Variants in MYH9 observed in about 807,000 individuals in gnomAD.
MYH9 encodes the protein myosin heavy chain 9, also known as myosin-9.
A neutral mutation model predicts 241.9 loss-of-function variants in MYH9; 29 were observed. The observed-to-expected ratio is 0.12, with a 90% CI of 0.09 to 0.16. The LOEUF (loss-of-function observed/expected upper bound fraction) is 0.16, where lower values mean the gene tolerates loss of function less well. MYH9 is among the 10% of genes least tolerant of loss of function. The pLI, the probability that MYH9 is intolerant of heterozygous loss-of-function variation, is 1.00. For missense variants in MYH9, 1,803 were observed against 2,595.5 expected (o/e 0.69, Z 6.63); for synonymous variants, 1,047 against 1,062.6 (o/e 0.99, Z 0.29).
chr22:36,285,422 C>G lies in MYH9; in HGVS notation c.5275-93G>C. 7.0e-7 allele frequency: 1 copy of G among 1,436,504 alleles called. No individual in the cohort carries two copies. Among genetic ancestry groups the G allele is most frequent in the Admixed American group, 1.7e-5 (1 of 59,276 alleles). 89.0% of individuals were successfully genotyped at this position (1,436,504 alleles called of 1,614,324 possible). The stretch of plus-strand genomic sequence containing the variant: ...GAGGAAGGTGGCAGCAGGATCCCAC[C>G]AAACCCTTGGGGTCCAGAGTCTTGG... On this transcript the variant is annotated intron_variant, in intron 37 of 40. Coordinates refer to ENST00000216181, the MANE Select transcript of MYH9 (RefSeq NM_002473.6). The surrounding 1 kb of genome is among the most constrained non-coding windows in gnomAD (Gnocchi z 7.0).
chr22:36,365,540 C>T (rs887035435), intron 1 of MYH9, among the ~76,000 whole-genome samples: 62 of 152,136 alleles, frequency 4.1e-4, no homozygotes, highest in African/African-American at 1.4e-3. Flanking sequence ...AATCTTGGCT[C>T]GCTGCAACCT....
intron 1 of MYH9, among the ~76,000 whole-genome samples, chr22:36,373,888 T>TA (rs2018125055): frequency 6.6e-6 from 1 of 151,958 alleles, no homozygotes; most frequent in African/African-American, 2.4e-5. Context: ...TGCATTATAG[T>TA]AGTAACTCAG....
At position 36,379,274 on chromosome 22, in the gene MYH9, G is replaced by A. The variant is rs563850496; in HGVS notation, c.-20+8533C>T. Among the ~76,000 whole-genome samples, 7 of 152,344 alleles carry A rather than the reference G, an allele frequency of 4.6e-5. No individual in the cohort carries two copies. The South Asian group carries it at 6.2e-4, about 14-fold the overall frequency. Reference sequence around the variant, plus strand: ...TGTAATCCCAGCACTTCGGGAGGCCGAGGCGGGTGGATCATGAGGTCAGGA... The same window carrying A: ...TGTAATCCCAGCACTTCGGGAGGCCAAGGCGGGTGGATCATGAGGTCAGGA... On this transcript the variant is annotated intron_variant, in intron 1 of 40. Coordinates refer to ENST00000216181, the MANE Select transcript of MYH9 (RefSeq NM_002473.6).
Position 36,285,156 on chromosome 22 carries a change from A to C in MYH9, c.5448T>G (p.Ile1816Met), listed in dbSNP as rs1045546652. 1 of 1,613,978 alleles carries C rather than the reference A, an allele frequency of 6.2e-7. No homozygotes were observed. The highest frequency in any genetic ancestry group is 1.7e-5 in the Admixed American group (1 of 60,020). Residue 1816 changes from isoleucine to methionine, a missense_variant, in exon 38 of 41, where the codon ATT (isoleucine) becomes ATG (methionine). Physicochemically the swap from Ile to Met is conservative, Grantham distance 10 (BLOSUM62 1). Coordinates refer to ENST00000216181, the MANE Select transcript of MYH9 (RefSeq NM_002473.6). The surrounding 1 kb of genome is among the most constrained non-coding windows in gnomAD (Gnocchi z 7.0). ...TGTCCAGCTGCTCCTCCAGCTGTGC[A>C]ATCTTGGCCTCGAGGGCGGTGATGG... ...KASITALEAK[I>M]AQLEEQLDNE...
In MYH9 at chr22:36,288,900, G is replaced by T. The variant is rs779694122; in HGVS notation, c.4597C>A (p.Gln1533Lys). ...AGCTGCGTCTTCATCTCCTCCACCTGCTGCTCTAGGGCCCGCTTGGACTTC... is the reference window on the plus strand; with the variant it reads ...AGCTGCGTCTTCATCTCCTCCACCTTCTGCTCTAGGGCCCGCTTGGACTTC... ...LEKSKRALEQ[Q>K]VEEMKTQLEE... Residue 1533 changes from glutamine (Q) to lysine (K), a missense_variant, in exon 33 of 41, where the codon CAG becomes AAG. Gln to Lys is a moderately conservative substitution (Grantham distance 53). Around this residue, in one of 11 missense-constraint regions of MYH9, gnomAD observed 876 missense variants for 1,077.8 expected, o/e 0.81. Transcript: ENST00000216181. The surrounding 1 kb of genome is among the most constrained non-coding windows in gnomAD (Gnocchi z 4.8). 5.0e-6 allele frequency: 8 copies of T among 1,613,882 alleles called. No individual in the cohort carries two copies. In the African/African-American group the frequency reaches 9.3e-5, roughly 19 times the overall value.
chr22:36,362,537 G>A, intron 1 of MYH9, among the ~76,000 whole-genome samples: 1 of 152,096 alleles, frequency 6.6e-6, no homozygotes, highest in East Asian at 1.9e-4. Flanking sequence ...TGCCCGGGCT[G>A]GAGTGCAGTG....
At chr22:36,304,549 C>A (rs1422617014) in intron 18 of MYH9, among the ~76,000 whole-genome samples, 1 of 152,228 alleles carries the variant, frequency 6.6e-6, no homozygotes, top group Admixed American at 6.5e-5. Context: ...CCTGGCTTGG[C>A]ACTGAGTCAC....
At chr22:36,373,888 T>TAGTA (rs140429269) in intron 1 of MYH9, among the ~76,000 whole-genome samples, 27,545 of 152,020 alleles carry the variant, frequency 0.18, 2,915 homozygotes, top group African/African-American at 0.3. Context: ...TGCATTATAG[T>TAGTA]AGTAACTCAG....
intron 20 of MYH9, 196 bp from the exon 21 acceptor site, chr22:36,301,861 G>C: frequency 4.5e-6 from 3 of 667,712 alleles, no homozygotes; most frequent in Non-Finnish European, 7.8e-6. Flanking sequence ...CTACATTCCA[G>C]GGAAACTATC....
intron 4 of MYH9, 62 bp downstream of exon 4, chr22:36,327,399 A>G: frequency 6.3e-7 from 1 of 1,599,054 alleles, no homozygotes; most frequent in Non-Finnish European, 8.6e-7. Flanking sequence ...TCAGTAGGAG[A>G]CCTCAAGAAT....
intron 15 of MYH9, chr22:36,308,724 G>A (rs1030362031): frequency 5.8e-5 from 43 of 738,230 alleles, no homozygotes; most frequent in East Asian, 4.1e-4. Flanking sequence ...AAGGGGGGGC[G>A]CGAGAAAACC....
intron 4 of MYH9, 67 bp from the exon 5 acceptor site, chr22:36,326,728 A>C: frequency 7.5e-7 from 1 of 1,325,296 alleles, no homozygotes; most frequent in Non-Finnish European, 1.1e-6. Context: ...GTCCCTTCCC[A>C]CTGCACGCTC....
Position 36,281,997 on chromosome 22 carries a change from T to C in MYH9, c.*671A>G, listed in dbSNP as rs1481028050. ...TAAAGGAGGGGAGGGGGCATTGCACTTGAGACATTTTAGAATCAGGAGGGA... is the reference window on the plus strand; with the variant it reads ...TAAAGGAGGGGAGGGGGCATTGCACCTGAGACATTTTAGAATCAGGAGGGA... On this transcript the variant is annotated 3_prime_UTR_variant, in exon 41 of 41. Coordinates refer to ENST00000216181, the MANE Select transcript of MYH9 (RefSeq NM_002473.6). The C allele has an allele frequency of 1.3e-5, 3 of 233,574 alleles. No individual in the cohort carries two copies. Among genetic ancestry groups the C allele is most frequent in the Non-Finnish European group, 2.5e-5 (3 of 118,160 alleles). 14.5% of individuals were successfully genotyped at this position (233,574 alleles called of 1,614,324 possible). A position where few individuals can be genotyped will look rare whatever the true frequency, so the allele number is the denominator to read the frequency against.
Position 36,320,568 on chromosome 22 carries a change from G to A in MYH9, c.869-205C>T, listed in dbSNP as rs183584542. The stretch of plus-strand genomic sequence containing the variant: ...GTCTCCTGGCCCAGGAGAGCGCCAG[G>A]TCCTGTGATTTGCAGCTACATGTGC... On this transcript the variant is annotated intron_variant, in intron 8 of 40. Coordinates refer to ENST00000216181, the MANE Select transcript of MYH9 (RefSeq NM_002473.6). This position sits in a 1 kb window ranked among gnomAD's most constrained non-coding sequence, Gnocchi z 4.8. Among the ~76,000 whole-genome samples, 309 of 152,288 alleles carry A rather than the reference G, an allele frequency of 2.0e-3. 1 individual carries two copies. The highest frequency in any genetic ancestry group is 6.5e-3 in the African/African-American group (270 of 41,568).
At chr22:36,372,935 G>A (rs990778243) in intron 1 of MYH9, among the ~76,000 whole-genome samples, 6 of 152,022 alleles carry the variant, frequency 3.9e-5, no homozygotes, top group Non-Finnish European at 8.8e-5. Context: ...ACCTGGCAGA[G>A]GAAGCCTTTC....
In MYH9 at chr22:36,295,998, G is replaced by C. The variant is rs1384614266; in HGVS notation, c.3273-281C>G. Among the ~76,000 whole-genome samples, 1 of 152,176 alleles carries C rather than the reference G, an allele frequency of 6.6e-6. No individual in the cohort carries two copies. Among genetic ancestry groups the C allele is most frequent in the Non-Finnish European group, 1.5e-5 (1 of 68,038 alleles). On this transcript the variant is annotated intron_variant, in intron 25 of 40. Transcript: ENST00000216181. The surrounding 1 kb of genome is among the most constrained non-coding windows in gnomAD (Gnocchi z 4.1). ...AAAAGTCAAATGATGTGTTAAATGG[G>C]AAGAAAAGGAAATAAAACGCTACAC... is the stretch of plus-strand genomic sequence containing the variant.
chr22:36,289,159 G>T lies in MYH9; in HGVS notation c.4483C>A (p.Leu1495Met). The T allele has an allele frequency of 6.2e-7, 1 of 1,613,976 alleles. No homozygotes were observed. The highest frequency in any genetic ancestry group is 2.2e-5 in the East Asian group (1 of 44,874). Residue 1495 changes from leucine to methionine, a missense_variant, in exon 32 of 41, where the codon CTG (leucine) becomes ATG (methionine). By Grantham distance (15) the Leu-to-Met change is conservative (BLOSUM62 2). This residue lies in a region of MYH9 where 876 missense variants were observed against 1,077.8 expected (regional missense o/e 0.81). Transcript: ENST00000216181. ...CGGAACTGCTTGTTGAGCCGCTCCA[G>T]CTCCGCCTTCTGCTCCATGGCTTCC... ...LEEAMEQKAE[L>M]ERLNKQFRTE...
chr22:36,284,026 G>A, intron 40 of MYH9, 67 bp downstream of exon 40: 1 of 1,567,180 alleles, frequency 6.4e-7, no homozygotes, highest in Non-Finnish European at 8.7e-7. Context: ...GTGGGCTCTG[G>A]TTGAGGAACA....
At position 36,301,635 on chromosome 22, in the gene MYH9, C is replaced by A; in HGVS notation, c.2530G>T (p.Glu844Ter). ...VKPLLQVSRQEEEMMAKEEEL... is the reference protein window; with the variant it reads ...VKPLLQVSRQ Reference sequence around the variant, plus strand: ...TCCTCCTTGGCCATCATCTCCTCCTCCTGCCGGCTCACCTGCAGCAGCGGC... The same window carrying A: ...TCCTCCTTGGCCATCATCTCCTCCTACTGCCGGCTCACCTGCAGCAGCGGC... The change falls in exon 21 of 41, where the codon GAG becomes TAG. Residue 844 changes from glutamate (E) to a stop codon, truncating the protein, a stop_gained. Coordinates refer to ENST00000216181, the MANE Select transcript of MYH9 (RefSeq NM_002473.6). LOFTEE classifies it high-confidence loss of function. 6.2e-7 allele frequency: 1 copy of A among 1,613,922 alleles called. No individual in the cohort carries two copies. The highest frequency in any genetic ancestry group is 8.5e-7 in the Non-Finnish European group (1 of 1,180,040).
Sources: gnomAD v4.1 joint callset for allele counts (sites outside exome capture counted in the v4.1 genomes callset) on GRCh38, gnomAD v4.1.1 for gene constraint, gnomAD v4.1.1 regional missense constraint, Gnocchi (gnomAD v3.1) non-coding constraint, MANE v1.5 for transcripts, NCBI Gene and HGNC (gene_info 2026-07-23, HGNC 2026-07-21) for gene names.